SLC25A11: variants seen among roughly 807,000 people sequenced by gnomAD.
SLC25A11 encodes solute carrier family 25 member 11.
SLC25A11 carries 11 observed loss-of-function variants against 32.7 expected under a neutral mutation model. That is an observed-to-expected ratio of 0.34 (90% CI 0.21 to 0.56). The LOEUF is 0.56. Ranked by LOEUF, SLC25A11 falls within the 20% of genes least tolerant of loss-of-function variation. SLC25A11 has a pLI of 0.90. For synonymous variants in SLC25A11, 163 were observed against 168.3 expected, an observed-to-expected ratio of 0.97 and a Z score of 0.24; for missense variants, 295 against 426.3, an observed-to-expected ratio of 0.69 and a Z score of 2.71.
rs1309740386 is a variant in SLC25A11 at position 4,938,664 on chromosome 17, C to T, written c.456-62G>A. The T allele has an allele frequency of 2.5e-6, 4 of 1,590,728 alleles. No homozygotes were observed. Among genetic ancestry groups the T allele is most frequent in the Non-Finnish European group, 3.4e-6 (4 of 1,159,422 alleles). On this transcript the variant is annotated intron_variant, in intron 3 of 7. Coordinates refer to ENST00000225665, the MANE Select transcript of SLC25A11 (RefSeq NM_003562.5). The surrounding 1 kb of genome is among the most constrained non-coding windows in gnomAD (Gnocchi z 7.6). The stretch of plus-strand genomic sequence containing the variant: ...GCCCACAGGTGCAAAGAAAGGAAGG[C>T]CAGAACAGGTAAACACTCTGCTCCA...
rs980010779 is a variant in SLC25A11 at position 4,938,282 on chromosome 17, C to G, written c.638-29G>C. 1 of 1,612,504 alleles carries G rather than the reference C, an allele frequency of 6.2e-7. No individual in the cohort carries two copies. The highest frequency in any genetic ancestry group is 8.5e-7 in the Non-Finnish European group (1 of 1,179,048). On this transcript the variant is annotated intron_variant, in intron 5 of 7. Coordinates refer to ENST00000225665, the MANE Select transcript of SLC25A11 (RefSeq NM_003562.5). This position sits in a 1 kb window ranked among gnomAD's most constrained non-coding sequence, Gnocchi z 7.6. The stretch of plus-strand genomic sequence containing the variant: ...GGGGAGGTGAGGCGGGGGTGGCAGT[C>G]AGCTCAGAGGTGGCTCAGGCCAGGC...
chr17:4,937,804 G>A lies in SLC25A11; in HGVS notation c.882C>T (p.Val294=), dbSNP rs770771481. 18 of 1,614,078 alleles carry A rather than the reference G, an allele frequency of 1.1e-5. No homozygotes were observed. Among genetic ancestry groups the A allele is most frequent in the Admixed American group, 3.3e-5 (2 of 60,002 alleles). The change falls in exon 8 of 8, where the codon GTC becomes GTT. Residue 294 remains valine, a synonymous_variant. Coordinates refer to ENST00000225665, the MANE Select transcript of SLC25A11 (RefSeq NM_003562.5). ...PYYARLGPHT[V]LTFIFLEQMN... The stretch of plus-strand genomic sequence containing the variant: ...TCTGCTCCAAGAAGATGAAGGTGAG[G>A]ACGGTGTGGGGGCCCAGGCGGGCAT...
In SLC25A11 at chr17:4,939,840, T is replaced by G. The variant is rs747707833; in HGVS notation, c.71A>C (p.Lys24Thr). 6.2e-7 allele frequency: 1 copy of G among 1,612,734 alleles called. No homozygotes were observed. Among genetic ancestry groups the G allele is most frequent in the African/African-American group, 1.3e-5 (1 of 74,954 alleles). The change falls in exon 1 of 8, where the codon AAG (lysine) becomes ACG (threonine). Residue 24 changes from lysine to threonine, a missense_variant. By Grantham distance (78) the Lys-to-Thr change is moderately conservative. Around this residue, in one of 3 missense-constraint regions of SLC25A11, gnomAD observed 104 missense variants for 121.5 expected, o/e 0.86. Transcript: ENST00000225665. The surrounding 1 kb of genome is among the most constrained non-coding windows in gnomAD (Gnocchi z 4.1). ...CCCGGCCAGGCCCCCAAACAGGAAC[T>G]TGACGGACTTAGGGGAGGTACGGGG... Reference protein sequence around the residue: ...GKPRTSPKSVKFLFGGLAGMG... With the variant: ...GKPRTSPKSVTFLFGGLAGMG...
At position 4,939,921 on chromosome 17, in the gene SLC25A11, T is replaced by A. The variant is rs541501786; in HGVS notation, c.-11A>T. On this transcript the variant is annotated 5_prime_UTR_variant, in exon 1 of 8. Coordinates refer to ENST00000225665, the MANE Select transcript of SLC25A11 (RefSeq NM_003562.5). This position sits in a 1 kb window ranked among gnomAD's most constrained non-coding sequence, Gnocchi z 4.1. ...CGCCGTCGCCGCCATCGCCACTCAA[T>A]GGCCCTCGGCTCCGGGTCCCGTGCG... The A allele has an allele frequency of 3.7e-6, 6 of 1,606,564 alleles. No homozygotes were observed. The highest frequency in any genetic ancestry group is 2.7e-5 in the African/African-American group (2 of 74,484).
chr17:4,939,632 C>A lies in SLC25A11; in HGVS notation c.95+184G>T. On this transcript the variant is annotated intron_variant, in intron 1 of 7. Coordinates refer to ENST00000225665, the MANE Select transcript of SLC25A11 (RefSeq NM_003562.5). This position sits in a 1 kb window ranked among gnomAD's most constrained non-coding sequence, Gnocchi z 4.1. Reference sequence around the variant, plus strand: ...CGGCGGGGGTTGTGCAACGACCCTGCATGCAGTCCATAAGGGTCCTGCAAT... The same window carrying A: ...CGGCGGGGGTTGTGCAACGACCCTGAATGCAGTCCATAAGGGTCCTGCAAT... 6 of 634,982 alleles carry A rather than the reference C, an allele frequency of 9.4e-6. No individual in the cohort carries two copies. The highest frequency in any genetic ancestry group is 1.7e-5 in the Non-Finnish European group (6 of 357,388). The allele number at this position is 634,982 out of a possible 1,614,324, so 39.3% of individuals were successfully genotyped here. A position where few individuals can be genotyped will look rare whatever the true frequency, so the allele number is the denominator to read the frequency against.
At position 4,939,403 on chromosome 17, in the gene SLC25A11, G is replaced by T; in HGVS notation, c.96-191C>A. On this transcript the variant is annotated intron_variant, in intron 1 of 7. Transcript: ENST00000225665. This position sits in a 1 kb window ranked among gnomAD's most constrained non-coding sequence, Gnocchi z 4.1. ...CGGGTCTGAAAAGTCTAGTTGTCCA[G>T]TAGGGGCCATGCAATGAAAGTGCTC... is the stretch of plus-strand genomic sequence containing the variant. 1 of 644,718 alleles carries T rather than the reference G, an allele frequency of 1.6e-6. No homozygotes were observed. Among genetic ancestry groups the T allele is most frequent in the Non-Finnish European group, 2.6e-6 (1 of 379,838 alleles). The allele number at this position is 644,718 out of a possible 1,614,324, so 39.9% of individuals were successfully genotyped here. A position where few individuals can be genotyped will look rare whatever the true frequency, so the allele number is the denominator to read the frequency against.
At position 4,939,884 on chromosome 17, in the gene SLC25A11, G is replaced by A. The variant is rs767826640; in HGVS notation, c.27C>T (p.Ala9=). 1.2e-6 allele frequency: 2 copies of A among 1,611,342 alleles called. No individual in the cohort carries two copies. The highest frequency in any genetic ancestry group is 1.3e-5 in the African/African-American group (1 of 74,692). ...TACGGGGCTTCCCGTCTATCCCGCC[G>A]GCCCCGGCACTCGCCGTCGCCGCCA... MAATASAG[A]GGIDGKPRTS... The change falls in exon 1 of 8, where the codon GCC becomes GCT. Residue 9 remains alanine (A), a synonymous_variant. Coordinates refer to ENST00000225665, the MANE Select transcript of SLC25A11 (RefSeq NM_003562.5). This position sits in a 1 kb window ranked among gnomAD's most constrained non-coding sequence, Gnocchi z 4.1.
At position 4,939,779 on chromosome 17, in the gene SLC25A11, T is replaced by A; in HGVS notation, c.95+37A>T. Reference sequence around the variant, plus strand: ...GGGCCCGGTTCCTTTTGCCCTTCCCTTCCTCCTCTTTTCCCATCCCTGGGG... The same window carrying A: ...GGGCCCGGTTCCTTTTGCCCTTCCCATCCTCCTCTTTTCCCATCCCTGGGG... On this transcript the variant is annotated intron_variant, in intron 1 of 7. Transcript: ENST00000225665. The surrounding 1 kb of genome is among the most constrained non-coding windows in gnomAD (Gnocchi z 4.1). 1 of 1,558,600 alleles carries A rather than the reference T, an allele frequency of 6.4e-7. No individual in the cohort carries two copies. Among genetic ancestry groups the A allele is most frequent in the Non-Finnish European group, 8.8e-7 (1 of 1,133,484 alleles).
chr17:4,937,736 C>A lies in SLC25A11; in HGVS notation c.*5G>T, dbSNP rs1970456740. 1 of 1,601,256 alleles carries A rather than the reference C, an allele frequency of 6.2e-7. No homozygotes were observed. The highest frequency in any genetic ancestry group is 2.2e-5 in the East Asian group (1 of 44,778). On this transcript the variant is annotated 3_prime_UTR_variant, in exon 8 of 8. Transcript: ENST00000225665. ...GCAGCAGGCGAGTGGGAGCCCCCGG[C>A]CGCTTCAGCCACTGAGGAAGAGACG...
In SLC25A11 at chr17:4,939,305, GC is replaced by G; in HGVS notation, c.96-94del. ...GCAGCAAGAGGTTACAAAGGTCAGG[GC>G]CTGCCATGCGATTCAAGAATCAGGA... On this transcript the variant is annotated intron_variant, in intron 1 of 7. Coordinates refer to ENST00000225665, the MANE Select transcript of SLC25A11 (RefSeq NM_003562.5). This position sits in a 1 kb window ranked among gnomAD's most constrained non-coding sequence, Gnocchi z 4.1. 1 of 1,350,542 alleles carries G rather than the reference GC, an allele frequency of 7.4e-7. No individual in the cohort carries two copies. Among genetic ancestry groups the G allele is most frequent in the African/African-American group, 1.5e-5 (1 of 68,914 alleles). 83.7% of individuals were successfully genotyped at this position (1,350,542 alleles called of 1,614,324 possible).
chr17:4,938,590 G>A lies in SLC25A11; in HGVS notation c.468C>T (p.Asp156=), dbSNP rs1970500368. The change falls in exon 4 of 8, where the codon GAC becomes GAT. Residue 156 remains aspartate, a synonymous_variant. Coordinates refer to ENST00000225665, the MANE Select transcript of SLC25A11 (RefSeq NM_003562.5). The surrounding 1 kb of genome is among the most constrained non-coding windows in gnomAD (Gnocchi z 7.6). The part of the protein sequence containing the change: ...RMTADGRLPA[D]QRRGYKNVFN... ...ACACATTTTTGTAGCCACGGCGCTGGTCAGCTGGAAGCCTGGTGGGAAGGC... is the reference window on the plus strand; with the variant it reads ...ACACATTTTTGTAGCCACGGCGCTGATCAGCTGGAAGCCTGGTGGGAAGGC... The A allele has an allele frequency of 6.2e-7, 1 of 1,614,092 alleles. No individual in the cohort carries two copies. The highest frequency in any genetic ancestry group is 8.5e-7 in the Non-Finnish European group (1 of 1,179,996).
rs1229131929 is a variant in SLC25A11, at chr17:4,939,095, G to T, written c.213C>A (p.Ile71=). ...TGCCCCTCAGGCCTTCTGCCTTCAG[G>T]ATACTGGTGAGGGCATGGAAGCTGG... is the stretch of plus-strand genomic sequence containing the variant. ...YKTSFHALTS[I]LKAEGLRGIY... is the part of the protein sequence containing the mutation. Residue 71 remains isoleucine (I), a synonymous_variant, in exon 2 of 8, where the codon ATC becomes ATA. Coordinates refer to ENST00000225665, the MANE Select transcript of SLC25A11 (RefSeq NM_003562.5). The surrounding 1 kb of genome is among the most constrained non-coding windows in gnomAD (Gnocchi z 4.1). 2 of 1,614,194 alleles carry T rather than the reference G, an allele frequency of 1.2e-6. No homozygotes were observed. The highest frequency in any genetic ancestry group is 1.7e-6 in the Non-Finnish European group (2 of 1,180,042).
In SLC25A11 at chr17:4,939,565, G is replaced by A. The variant is rs1970581826; in HGVS notation, c.95+251C>T. Reference sequence around the variant, plus strand: ...ATTTAATGGCCTGGAACCCCCTGCCGCCCGGCCGAGCTTAGCAATGCGCTG... The same window carrying A: ...ATTTAATGGCCTGGAACCCCCTGCCACCCGGCCGAGCTTAGCAATGCGCTG... On this transcript the variant is annotated intron_variant, in intron 1 of 7. Transcript: ENST00000225665. The surrounding 1 kb of genome is among the most constrained non-coding windows in gnomAD (Gnocchi z 4.1). 5.2e-6 allele frequency: 3 copies of A among 578,758 alleles called. No homozygotes were observed. The highest frequency in any genetic ancestry group is 9.1e-6 in the Non-Finnish European group (3 of 328,902). The allele number at this position is 578,758 out of a possible 1,614,324, so 35.9% of individuals were successfully genotyped here. A position where few individuals can be genotyped will look rare whatever the true frequency, so the allele number is the denominator to read the frequency against.
At position 4,938,874 on chromosome 17, in the gene SLC25A11, G is replaced by C. The variant is rs1335542668; in HGVS notation, c.350C>G (p.Pro117Arg). The stretch of plus-strand genomic sequence containing the variant: ...AATCACAGCCTTCAGCAGAAAGCCA[G>C]GGGGAGTACCATCAGCCCCAGTCAG... ...ERLTGADGTP[P>R]GFLLKAVIGM... Residue 117 changes from proline (P) to arginine (R), a missense_variant, in exon 3 of 8, where the codon CCT (proline) becomes CGT (arginine). Physicochemically the swap from Pro to Arg is moderately radical, Grantham distance 103. Around this residue, in one of 3 missense-constraint regions of SLC25A11, gnomAD observed 49 missense variants for 106.9 expected, o/e 0.46. Transcript: ENST00000225665. This position sits in a 1 kb window ranked among gnomAD's most constrained non-coding sequence, Gnocchi z 7.6. 6.2e-7 allele frequency: 1 copy of C among 1,614,182 alleles called. No individual in the cohort carries two copies. Among genetic ancestry groups the C allele is most frequent in the East Asian group, 2.2e-5 (1 of 44,878 alleles).
Position 4,939,377 on chromosome 17 carries a change from A to G in SLC25A11, c.96-165T>C. On this transcript the variant is annotated intron_variant, in intron 1 of 7. Transcript: ENST00000225665. This position sits in a 1 kb window ranked among gnomAD's most constrained non-coding sequence, Gnocchi z 4.1. ...AGAGTCTATATGTACACCAAGTGCAACGGGTCTGAAAAGTCTAGTTGTCCA... is the reference window on the plus strand; with the variant it reads ...AGAGTCTATATGTACACCAAGTGCAGCGGGTCTGAAAAGTCTAGTTGTCCA... 1.3e-6 allele frequency: 1 copy of G among 769,936 alleles called. No homozygotes were observed. The highest frequency in any genetic ancestry group is 2.0e-6 in the Non-Finnish European group (1 of 492,744). The allele number at this position is 769,936 out of a possible 1,614,324, so 47.7% of individuals were successfully genotyped here. A position where few individuals can be genotyped will look rare whatever the true frequency, so the allele number is the denominator to read the frequency against.
chr17:4,939,895 T>G lies in SLC25A11; in HGVS notation c.16A>C (p.Ser6Arg). 6.2e-7 allele frequency: 1 copy of G among 1,610,360 alleles called. No individual in the cohort carries two copies. The highest frequency in any genetic ancestry group is 1.1e-5 in the South Asian group (1 of 90,796). ...CCGTCTATCCCGCCGGCCCCGGCAC[T>G]CGCCGTCGCCGCCATCGCCACTCAA... MAATASAGAGGIDGKP... is the reference protein window; with the variant it reads MAATARAGAGGIDGKP... The change falls in exon 1 of 8, where the codon AGT (serine) becomes CGT (arginine). Residue 6 changes from serine to arginine, a missense_variant. By Grantham distance (110) the Ser-to-Arg change is moderately radical. This residue lies in a region of SLC25A11 where 104 missense variants were observed against 121.5 expected (regional missense o/e 0.86). Coordinates refer to ENST00000225665, the MANE Select transcript of SLC25A11 (RefSeq NM_003562.5). This position sits in a 1 kb window ranked among gnomAD's most constrained non-coding sequence, Gnocchi z 4.1.
rs1970484403 is a variant in SLC25A11, at chr17:4,938,379, G to A, written c.597C>T (p.Leu199=). Residue 199 remains leucine (L), a synonymous_variant, in exon 5 of 8, where the codon CTC becomes CTT. Transcript: ENST00000225665. This position sits in a 1 kb window ranked among gnomAD's most constrained non-coding sequence, Gnocchi z 7.6. Reference sequence around the variant, plus strand: ...ACTGCTTGGATTGGGAGTAGGAGGCGAGCTGGGCAGCATTGACGACGACGG... The same window carrying A: ...ACTGCTTGGATTGGGAGTAGGAGGCAAGCTGGGCAGCATTGACGACGACGG... ...ARAVVVNAAQ[L]ASYSQSKQFL... is the part of the protein sequence containing the mutation. 3.1e-6 allele frequency: 5 copies of A among 1,614,008 alleles called. No homozygotes were observed. Among genetic ancestry groups the A allele is most frequent in the East Asian group, 4.5e-5 (2 of 44,892 alleles).
Position 4,939,349 on chromosome 17 carries a change from A to T in SLC25A11, c.96-137T>A. The T allele has an allele frequency of 2.1e-6, 2 of 952,378 alleles. No individual in the cohort carries two copies. The highest frequency in any genetic ancestry group is 3.1e-6 in the Non-Finnish European group (2 of 654,696). The allele number at this position is 952,378 out of a possible 1,614,324, so 59.0% of individuals were successfully genotyped here. ...AATCAGGATGCTGGTGAGCATGTGT[A>T]TAAGAGTCTATATGTACACCAAGTG... is the stretch of plus-strand genomic sequence containing the variant. On this transcript the variant is annotated intron_variant, in intron 1 of 7. Coordinates refer to ENST00000225665, the MANE Select transcript of SLC25A11 (RefSeq NM_003562.5). This position sits in a 1 kb window ranked among gnomAD's most constrained non-coding sequence, Gnocchi z 4.1.
chr17:4,940,003 G>A lies in SLC25A11; in HGVS notation c.-93C>T. On this transcript the variant is annotated 5_prime_UTR_variant, in exon 1 of 8. Transcript: ENST00000225665. ...CGCGCGCGCAACAGAGCGAGGGCGC[G>A]CGCACGCCCCTCCAGCTCTCAGGTC... The A allele has an allele frequency of 2.4e-6, 2 of 835,864 alleles. No individual in the cohort carries two copies. Among genetic ancestry groups the A allele is most frequent in the Non-Finnish European group, 3.5e-6 (2 of 576,570 alleles). The allele number at this position is 835,864 out of a possible 1,614,324, so 51.8% of individuals were successfully genotyped here.
Sources: gnomAD v4.1 joint callset for allele counts on GRCh38, gnomAD v4.1.1 for gene constraint, gnomAD v4.1.1 regional missense constraint, Gnocchi (gnomAD v3.1) non-coding constraint, MANE v1.5 for transcripts, NCBI Gene and HGNC (gene_info 2026-07-23, HGNC 2026-07-21) for gene names.